SMC3: variants seen among roughly 807,000 people sequenced by gnomAD.
SMC3 encodes structural maintenance of chromosomes 3, also known as structural maintenance of chromosomes protein 3.
In SMC3, 20 loss-of-function variants were observed where a neutral mutation model predicts 171.8. That is an observed-to-expected ratio of 0.12 (90% CI 0.08 to 0.17). The LOEUF is 0.17. Among genes scored for constraint, SMC3 ranks in the 10% least tolerant of loss-of-function variants. The probability of loss-of-function intolerance (pLI) is 1.00; values close to 1 mark genes in which losing one functional copy is unlikely to be tolerated. For missense variants in SMC3, 543 were observed against 1,420.4 expected (o/e 0.38, Z 9.93); for synonymous variants, 464 against 451.1 (o/e 1.03, Z -0.36).
intron 1 of SMC3, 140 bp from the exon 2 acceptor site, chr10:110,568,798 C>A: frequency 1.6e-6 from 1 of 629,340 alleles, no homozygotes; most frequent in South Asian, 1.9e-5. Flanking sequence ...TTTTAATCAC[C>A]ACTTTCCAAA....
chr10:110,578,566 C>A, intron 6 of SMC3, 62 bp from the exon 7 acceptor site: 1 of 1,209,964 alleles, frequency 8.3e-7, no homozygotes, highest in Non-Finnish European at 1.2e-6. Context: ...GGCTACTCTA[C>A]TCATTGCTTA....
rs550545027 is a variant in SMC3, at chr10:110,582,522, A to G, written c.724-40A>G. ...AGATGTTATGAAATATTTAGTAATT[A>G]CAAAATGAGTTAGATATGATAAGTT... On this transcript the variant is annotated intron_variant, in intron 9 of 28. Transcript: ENST00000361804. 2.1e-6 allele frequency: 3 copies of G among 1,421,934 alleles called. No individual in the cohort carries two copies. In the South Asian group the frequency reaches 3.6e-5, roughly 17 times the overall value. 88.1% of individuals were successfully genotyped at this position (1,421,934 alleles called of 1,614,324 possible).
Position 110,598,353 on chromosome 10 carries a change from TCATA to T in SMC3, c.2268+67_2268+70del, listed in dbSNP as rs987850821. 865 of 1,470,994 alleles carry T rather than the reference TCATA, an allele frequency of 5.9e-4. 5 individuals are homozygous for T. Among genetic ancestry groups the T allele is most frequent in the Admixed American group, 1.5e-4 (9 of 59,764 alleles). The allele number at this position is 1,470,994 out of a possible 1,614,324, so 91.1% of individuals were successfully genotyped here. ...CAGATTAATAATATGGAAATATGAA[TCATA>T]CATTATATGGGTTATCCTTGAATTT... On this transcript the variant is annotated intron_variant, in intron 20 of 28. Transcript: ENST00000361804.
intron 6 of SMC3, among the ~76,000 whole-genome samples, 167 bp from the exon 7 acceptor site, chr10:110,578,461 A>G (rs2134720242): frequency 6.6e-6 from 1 of 152,348 alleles, no homozygotes; most frequent in Non-Finnish European, 1.5e-5. Flanking sequence ...TCAACAAGTC[A>G]ACATATAGAG....
intron 6 of SMC3, among the ~76,000 whole-genome samples, 173 bp downstream of exon 6, chr10:110,578,087 T>G (rs1464909501): frequency 6.6e-6 from 1 of 152,092 alleles, no homozygotes; most frequent in African/African-American, 2.4e-5. Flanking sequence ...ATTTTTCTTT[T>G]TCTCAATACG....
chr10:110,595,046 G>A (rs1383967990), intron 18 of SMC3, among the ~76,000 whole-genome samples: 4 of 150,794 alleles, frequency 2.7e-5, no homozygotes, highest in Admixed American at 2.6e-4. Flanking sequence ...GCAGTGGCAT[G>A]ATCTCAGCTC....
Position 110,591,277 on chromosome 10 carries a change from T to A in SMC3, c.1812+145T>A, listed in dbSNP as rs1861201007. The A allele has an allele frequency of 2.4e-6, 2 of 839,306 alleles. 1 individual carries two copies. The highest frequency in any genetic ancestry group is 3.3e-5 in the South Asian group (2 of 59,720). The allele number at this position is 839,306 out of a possible 1,614,324, so 52.0% of individuals were successfully genotyped here. ...ATATCTGTCTTCCCATGGACCTTAGTGCTGAGTGGGTTTTGGGGAGGGAGA... is the reference window on the plus strand; with the variant it reads ...ATATCTGTCTTCCCATGGACCTTAGAGCTGAGTGGGTTTTGGGGAGGGAGA... On this transcript the variant is annotated intron_variant, in intron 17 of 28. Transcript: ENST00000361804.
intron 19 of SMC3, among the ~76,000 whole-genome samples, chr10:110,597,363 A>G (rs2134746611): frequency 6.6e-6 from 1 of 151,982 alleles, no homozygotes; most frequent in South Asian, 2.1e-4. Context: ...TCTTAAAACC[A>G]CCATGGTGCT....
intron 20 of SMC3, among the ~76,000 whole-genome samples, chr10:110,599,188 C>A (rs1185251670): frequency 1.3e-5 from 2 of 152,168 alleles, no homozygotes; most frequent in African/African-American, 4.8e-5. Context: ...ACCTCCACTT[C>A]CTGGGTTCAA....
intron 2 of SMC3, among the ~76,000 whole-genome samples, chr10:110,571,338 A>G (rs1860868621): frequency 6.6e-6 from 1 of 152,224 alleles, no homozygotes; most frequent in Non-Finnish European, 1.5e-5. Flanking sequence ...ATAGATTTCT[A>G]AAGAAGAGAC....
Position 110,604,581 on chromosome 10 carries a change from T to C in SMC3, c.*279T>C, listed in dbSNP as rs1000576882. 3 of 375,064 alleles carry C rather than the reference T, an allele frequency of 8.0e-6. No homozygotes were observed. The highest frequency in any genetic ancestry group is 4.2e-5 in the African/African-American group (2 of 48,012). 23.2% of individuals were successfully genotyped at this position (375,064 alleles called of 1,614,324 possible). Reference sequence around the variant, plus strand: ...TAAATATTCTTTCCTAATTATTTTATCACTTATACTACCTTTTTTATAGCT... The same window carrying C: ...TAAATATTCTTTCCTAATTATTTTACCACTTATACTACCTTTTTTATAGCT... On this transcript the variant is annotated 3_prime_UTR_variant, in exon 29 of 29. Coordinates refer to ENST00000361804, the MANE Select transcript of SMC3 (RefSeq NM_005445.4).
At chr10:110,593,262 C>G in intron 18 of SMC3, 39 bp downstream of exon 18, 1 of 1,592,936 alleles carries the variant, frequency 6.3e-7, no homozygotes. Context: ...CAGATAAATT[C>G]TAACAAATCA....
At chr10:110,580,866 C>A in intron 7 of SMC3, 38 bp from the exon 8 acceptor site, 1 of 1,077,326 alleles carries the variant, frequency 9.3e-7, no homozygotes, top group Non-Finnish European at 1.4e-6. Flanking sequence ...TAAACGGAGG[C>A]TACAGCTATG....
chr10:110,581,147 T>C (rs1374123303), intron 8 of SMC3, 126 bp downstream of exon 8: 4 of 700,884 alleles, frequency 5.7e-6, no homozygotes, highest in Non-Finnish European at 1.0e-5. Flanking sequence ...CTGTTATTAA[T>C]AAAAATTGAG....
At chr10:110,593,604 T>C (rs1024221106) in intron 18 of SMC3, among the ~76,000 whole-genome samples, 3 of 151,918 alleles carry the variant, frequency 2.0e-5, no homozygotes, top group Non-Finnish European at 4.4e-5. Context: ...CTGTATAATA[T>C]GTCAGTTGAG....
intron 15 of SMC3, 33 bp downstream of exon 15, chr10:110,590,024 ACT>A (rs1564792208): frequency 2.6e-6 from 4 of 1,554,706 alleles, no homozygotes; most frequent in Non-Finnish European, 3.6e-6. Flanking sequence ...CTCTGTTTAC[ACT>A]GAGTCATTGA....
Position 110,569,899 on chromosome 10 carries a change from A to G in SMC3, c.91+886A>G, listed in dbSNP as rs563320823. On this transcript the variant is annotated intron_variant, in intron 2 of 28. Transcript: ENST00000361804. Reference sequence around the variant, plus strand: ...CACTCTGCTGAGTATTTTACAGGATAGATGAAAGGAGTGCTTCTGGACACC... The same window carrying G: ...CACTCTGCTGAGTATTTTACAGGATGGATGAAAGGAGTGCTTCTGGACACC... Among the ~76,000 whole-genome samples the G allele has an allele frequency of 2.7e-4, 41 of 152,348 alleles. No individual in the cohort carries two copies. The South Asian group carries it at 5.8e-3, about 22-fold the overall frequency.
At position 110,578,166 on chromosome 10, in the gene SMC3, C is replaced by T. The variant is rs192940996; in HGVS notation, c.350+252C>T. Reference sequence around the variant, plus strand: ...TCGGCTCACTGCAACCTCCACCTCCCGGGTTCAAGCTATTCTGCTGCCTCA... The same window carrying T: ...TCGGCTCACTGCAACCTCCACCTCCTGGGTTCAAGCTATTCTGCTGCCTCA... On this transcript the variant is annotated intron_variant, in intron 6 of 28. Coordinates refer to ENST00000361804, the MANE Select transcript of SMC3 (RefSeq NM_005445.4). 1.8e-3 allele frequency among the ~76,000 whole-genome samples: 270 copies of T among 152,216 alleles called. 1 individual carries two copies. Among genetic ancestry groups the T allele is most frequent in the African/African-American group, 6.3e-3 (262 of 41,538 alleles).
At chr10:110,602,777 G>A in intron 26 of SMC3, 48 bp from the exon 27 acceptor site, 1 of 1,584,794 alleles carries the variant, frequency 6.3e-7, no homozygotes, top group Non-Finnish European at 8.7e-7. Flanking sequence ...GAAAGATGGT[G>A]GTGATTCTGC....
Sources: allele counts gnomAD v4.1 joint callset (sites outside exome capture counted in the v4.1 genomes callset), GRCh38; gene constraint gnomAD v4.1.1; transcripts MANE v1.5; gene names NCBI Gene and HGNC (gene_info 2026-07-23, HGNC 2026-07-21).